The following CEP128 variants were observed in gnomAD, a reference collection of about 807,000 sequenced individuals.
CEP128 encodes the protein centrosomal protein 128.
A neutral mutation model predicts 156.7 loss-of-function variants in CEP128; 132 were observed. The ratio of observed to expected loss-of-function variants is 0.84; its 90% CI spans 0.73 to 0.97. The LOEUF is 0.97. Ranked by LOEUF, CEP128 falls within the 50% of genes least tolerant of loss-of-function variation. The pLI is 0.00. For missense variants in CEP128, 1,252 were observed against 1,281.9 expected, an observed-to-expected ratio of 0.98 and a Z score of 0.36; for synonymous variants, 469 against 448.9, an observed-to-expected ratio of 1.04 and a Z score of -0.57.
At chr14:80,687,585 G>A (rs1040481280) in intron 19 of CEP128, among the ~76,000 whole-genome samples, 5 of 152,098 alleles carry the variant, frequency 3.3e-5, no homozygotes, top group African/African-American at 9.7e-5. Flanking sequence ...ACTACTCAAG[G>A]AGAAAGGAAG....
At chr14:80,662,735 A>C (rs779809662) in intron 19 of CEP128, among the ~76,000 whole-genome samples, 2 of 152,248 alleles carry the variant, frequency 1.3e-5, no homozygotes, top group African/African-American at 4.8e-5. Context: ...AAAATAACAC[A>C]TTAGACATGC....
At chr14:80,606,123 T>C (rs1339868280) in intron 19 of CEP128, among the ~76,000 whole-genome samples, 2 of 152,032 alleles carry the variant, frequency 1.3e-5, no homozygotes, top group Non-Finnish European at 2.9e-5. Context: ...TTGCTAAACA[T>C]AAAAAAATCC....
At chr14:80,695,198 G>T (rs184438748) in intron 19 of CEP128, among the ~76,000 whole-genome samples, 1 of 148,630 alleles carries the variant, frequency 6.7e-6, no homozygotes, top group African/African-American at 2.5e-5. Flanking sequence ...GAAAGAAATA[G>T]AAAAGAAAAG....
At chr14:80,539,698 C>T (rs1003887506) in intron 21 of CEP128, among the ~76,000 whole-genome samples, 22 of 152,056 alleles carry the variant, frequency 1.4e-4, no homozygotes, top group East Asian at 5.8e-4. Flanking sequence ...TGACTGCCTG[C>T]GGGGTCAGGC....
intron 13 of CEP128, among the ~76,000 whole-genome samples, chr14:80,821,600 T>TACACACACAC (rs71103885): frequency 1.7e-3 from 249 of 145,180 alleles, no homozygotes; most frequent in South Asian, 2.5e-3. Context: ...CATACACACA[T>TACACACACAC]ACACACACAC....
intron 21 of CEP128, among the ~76,000 whole-genome samples, chr14:80,548,492 A>C (rs769014786): frequency 6.6e-6 from 1 of 152,194 alleles, no homozygotes; most frequent in Admixed American, 6.5e-5. Context: ...AAAGATATCA[A>C]ATATACTATC....
At chr14:80,488,169 T>A (rs1169763902), downstream of CEP128, among the ~76,000 whole-genome samples, 2 of 73,318 alleles carry the variant, frequency 2.7e-5, no homozygotes, top group Admixed American at 2.1e-4. Context: ...ATCAAACAGA[T>A]GCAATAAAAA....
intron 19 of CEP128, among the ~76,000 whole-genome samples, chr14:80,612,204 T>C (rs779378893): frequency 1.3e-5 from 2 of 152,218 alleles, no homozygotes; most frequent in Non-Finnish European, 2.9e-5. Flanking sequence ...TGGTGTTTTT[T>C]TGTCAAATAT....
intron 4 of CEP128, among the ~76,000 whole-genome samples, chr14:80,908,138 TTTA>T (rs1370538843): frequency 1.3e-5 from 2 of 152,208 alleles, no homozygotes; most frequent in African/African-American, 4.8e-5. Flanking sequence ...TGTCAGTGAT[TTTA>T]TTATGTATCA....
chr14:80,795,973 A>G (rs963913305), intron 13 of CEP128, among the ~76,000 whole-genome samples: 1 of 152,190 alleles, frequency 6.6e-6, no homozygotes, highest in Admixed American at 6.5e-5. Context: ...AAAGAAAAGA[A>G]AAACAACACC....
chr14:80,913,989 A>G (rs1884401523), intron 4 of CEP128, among the ~76,000 whole-genome samples: 1 of 152,200 alleles, frequency 6.6e-6, no homozygotes, highest in African/African-American at 2.4e-5. Flanking sequence ...CAATAAACAC[A>G]TATTACTTTA....
At chr14:80,477,674 G>T (rs1479809521) in exon 15 of CEP128, 1 of 152,114 alleles carries the variant, frequency 6.6e-6, no homozygotes, top group African/African-American at 2.4e-5. Flanking sequence ...CCTTGCTTTG[G>T]CTGATTTTAC....
In CEP128 at chr14:80,785,187, AG is replaced by A; in HGVS notation, c.1918del (p.Leu640Ter). ...LLEMQESIKDLSAIRADLANK... is the reference protein window; with the variant it reads ...LLEMQESIKDXSAIRADLANK... ...AGCAAGATCTGCTCGGATGGCACTC[AG>A]GTCCTTGATGGACTCTTGCATCTCA... On this transcript the variant is annotated frameshift_variant, in exon 15 of 25. Coordinates refer to ENST00000555265, the MANE Select transcript of CEP128 (RefSeq NM_152446.5). LOFTEE classifies it high-confidence loss of function. 1 of 1,614,186 alleles carries A rather than the reference AG, an allele frequency of 6.2e-7. No individual in the cohort carries two copies. The highest frequency in any genetic ancestry group is 8.5e-7 in the Non-Finnish European group (1 of 1,180,016).
intron 8 of CEP128, among the ~76,000 whole-genome samples, chr14:80,882,612 A>C (rs1478249216): frequency 2.0e-5 from 3 of 152,190 alleles, no homozygotes; most frequent in Non-Finnish European, 2.9e-5. Flanking sequence ...AGACATCTGC[A>C]TTCCCATGTT....
At chr14:80,613,007 ATT>A (rs66946967) in intron 19 of CEP128, among the ~76,000 whole-genome samples, 40,693 of 115,422 alleles carry the variant, frequency 0.35, 6,547 homozygotes, top group Middle Eastern at 0.47. Context: ...CACCCGGCGA[ATT>A]TTTTTTTTTT....
At chr14:80,619,838 G>C (rs1413887718) in intron 19 of CEP128, among the ~76,000 whole-genome samples, 4 of 151,936 alleles carry the variant, frequency 2.6e-5, no homozygotes, top group Non-Finnish European at 5.9e-5. Context: ...AGAAAAGAAT[G>C]AGTAGGCCAG....
chr14:80,511,962 G>T (rs1172913770), intron 23 of CEP128, among the ~76,000 whole-genome samples: 1 of 151,732 alleles, frequency 6.6e-6, no homozygotes, highest in Non-Finnish European at 1.5e-5. Context: ...CAATTTTTTT[G>T]AATTTTTAAA....
chr14:80,942,083 G>A (rs1886194049), upstream of CEP128, among the ~76,000 whole-genome samples: 1 of 151,856 alleles, frequency 6.6e-6, no homozygotes, highest in South Asian at 2.1e-4. Flanking sequence ...CCAGGACTAC[G>A]GTAAGATGGG....
At chr14:80,477,186 G>A (rs1370698084) in exon 15 of CEP128, 5 of 151,986 alleles carry the variant, frequency 3.3e-5, no homozygotes, top group Non-Finnish European at 4.4e-5. Flanking sequence ...CTAAAATAAT[G>A]TAAACCTTAG....
Sources: gnomAD v4.1 joint callset for allele counts (sites outside exome capture counted in the v4.1 genomes callset) on GRCh38, gnomAD v4.1.1 for gene constraint, MANE v1.5 for transcripts, NCBI Gene and HGNC (gene_info 2026-07-23, HGNC 2026-07-21) for gene names.